Variants in CORIN observed in about 807,000 individuals in gnomAD.
The protein encoded by CORIN is atrial natriuretic peptide-converting enzyme.
In CORIN, 117 loss-of-function variants were observed where a neutral mutation model predicts 125.3. The ratio of observed to expected loss-of-function variants is 0.93; its 90% confidence interval spans 0.80 to 1.09. CORIN has a LOEUF of 1.09. CORIN is among the 50% of genes least tolerant of loss of function. The probability of loss-of-function intolerance (pLI) is 0.00; values close to 1 mark genes in which losing one functional copy is unlikely to be tolerated. For missense variants in CORIN, 1,253 were observed against 1,306.7 expected (o/e 0.96, Z 0.63); for synonymous variants, 450 against 466.4 (o/e 0.96, Z 0.45).
intron 19 of CORIN, among the ~76,000 whole-genome samples, chr4:47,608,641 G>A (rs767626458): frequency 2.6e-5 from 4 of 152,084 alleles, no homozygotes; most frequent in African/African-American, 7.2e-5. Context: ...TTTGCTTCAC[G>A]TTTACACTAT....
intron 5 of CORIN, among the ~76,000 whole-genome samples, chr4:47,697,337 A>C (rs1479624194): frequency 6.6e-6 from 1 of 152,168 alleles, no homozygotes; most frequent in Non-Finnish European, 1.5e-5. Context: ...GAGGTGAGTC[A>C]TATTAGATGG....
At chr4:47,750,403 A>G (rs535790102) in intron 4 of CORIN, among the ~76,000 whole-genome samples, 49 of 152,044 alleles carry the variant, frequency 3.2e-4, no homozygotes, top group Non-Finnish European at 6.9e-4. Context: ...CTTTTTCTTC[A>G]TTTGTAATAG....
intron 16 of CORIN, among the ~76,000 whole-genome samples, chr4:47,634,907 A>G (rs1338379737): frequency 7.2e-5 from 11 of 152,250 alleles, no homozygotes; most frequent in Non-Finnish European, 1.5e-4. Flanking sequence ...GGAGGAATGC[A>G]GAGAAGCAAC....
intron 5 of CORIN, among the ~76,000 whole-genome samples, chr4:47,712,554 A>AT (rs1726899233): frequency 1.3e-5 from 2 of 152,146 alleles, no homozygotes. Flanking sequence ...AAGTGCTATG[A>AT]TTTCAGGAGT....
At position 47,805,153 on chromosome 4, in the gene CORIN, ATAAT is replaced by A. The variant is rs1161700838; in HGVS notation, c.208+1746_208+1749del. ...TCCATCTCAAAAAAAAAAAAAAATAATAATAATAATAATAATAATAGAGTATAAT... is the reference window on the plus strand; with the variant it reads ...TCCATCTCAAAAAAAAAAAAAAATAAAATAATAATAATAATAGAGTATAAT... On this transcript the variant is annotated intron_variant, in intron 2 of 21. Coordinates refer to ENST00000273857, the MANE Select transcript of CORIN (RefSeq NM_006587.4). Among the ~76,000 whole-genome samples, 6 of 148,260 alleles carry A rather than the reference ATAAT, an allele frequency of 4.0e-5. No homozygotes were observed. In the East Asian group the frequency reaches 9.9e-4, roughly 24 times the overall value.
chr4:47,720,555 A>T (rs1727296420), intron 5 of CORIN, among the ~76,000 whole-genome samples: 1 of 152,232 alleles, frequency 6.6e-6, no homozygotes, highest in Non-Finnish European at 1.5e-5. Flanking sequence ...AAGGTTAGTG[A>T]ATAGTATTTG....
intron 5 of CORIN, among the ~76,000 whole-genome samples, chr4:47,718,386 C>G (rs1188795083): frequency 1.3e-5 from 2 of 152,202 alleles, no homozygotes; most frequent in East Asian, 3.9e-4. Flanking sequence ...ATGATGAGCC[C>G]TAGTTTCTTC....
chr4:47,669,644 C>T (rs1451629959), intron 10 of CORIN, among the ~76,000 whole-genome samples: 4 of 151,526 alleles, frequency 2.6e-5, no homozygotes, highest in Admixed American at 2.0e-4. Context: ...TCTGGGCTCA[C>T]TGCAAGCTCT....
chr4:47,774,031 C>T (rs1376146269), intron 3 of CORIN, among the ~76,000 whole-genome samples: 4 of 151,988 alleles, frequency 2.6e-5, no homozygotes, highest in African/African-American at 7.3e-5. Context: ...AACTACCTAT[C>T]GGCATTTTCT....
intron 10 of CORIN, 54 bp downstream of exon 10, chr4:47,674,339 A>G (rs938765725): frequency 3.3e-5 from 40 of 1,210,298 alleles, no homozygotes; most frequent in Non-Finnish European, 7.4e-6. Context: ...CAGAAGAAAA[A>G]TGCTGAATGC....
intron 1 of CORIN, among the ~76,000 whole-genome samples, chr4:47,835,266 T>C (rs1263828601): frequency 2.6e-5 from 4 of 152,166 alleles, no homozygotes; most frequent in African/African-American, 9.6e-5. Flanking sequence ...TCCAGCAAAA[T>C]GGAATGCCAA....
chr4:47,814,458 T>C (rs1732180368), intron 1 of CORIN, among the ~76,000 whole-genome samples: 1 of 152,160 alleles, frequency 6.6e-6, no homozygotes, highest in South Asian at 2.1e-4. Context: ...TACCCCCTCA[T>C]TTAAGATGAA....
At chr4:47,821,089 G>A (rs1208197735) in intron 1 of CORIN, among the ~76,000 whole-genome samples, 1 of 152,024 alleles carries the variant, frequency 6.6e-6, no homozygotes, top group African/African-American at 2.4e-5. Flanking sequence ...ACAAAAATTA[G>A]CCAGATGTGG....
In CORIN at chr4:47,758,877, G is replaced by C. The variant is rs369132435; in HGVS notation, c.617+4502C>G. On this transcript the variant is annotated intron_variant, in intron 4 of 21. Transcript: ENST00000273857. ...TTCCTGAGGTCTTCCCAGCCATGCA[G>C]AACTGTGAGTCAATTAAATCTCCTT... Among the ~76,000 whole-genome samples, 3 of 152,326 alleles carry C rather than the reference G, an allele frequency of 2.0e-5. No individual in the cohort carries two copies. In the East Asian group the frequency reaches 5.8e-4, roughly 29 times the overall value.
chr4:47,816,704 G>A (rs552391014), intron 1 of CORIN, among the ~76,000 whole-genome samples: 89 of 152,170 alleles, frequency 5.8e-4, no homozygotes, highest in African/African-American at 2.1e-3. Flanking sequence ...GAAGGAGGAG[G>A]GGGGCCAAAG....
intron 2 of CORIN, among the ~76,000 whole-genome samples, chr4:47,799,474 A>G (rs940603271): frequency 1.8e-4 from 27 of 152,000 alleles, no homozygotes; most frequent in African/African-American, 5.3e-4. Flanking sequence ...GTGAGATGGT[A>G]TCTCACTGTG....
chr4:47,814,429 G>A (rs775658020), intron 1 of CORIN, among the ~76,000 whole-genome samples: 25 of 152,120 alleles, frequency 1.6e-4, no homozygotes, highest in Non-Finnish European at 2.5e-4. Context: ...TGTCCGTAGA[G>A]CAAAAATTAG....
intron 1 of CORIN, among the ~76,000 whole-genome samples, chr4:47,836,338 T>C (rs1733409198): frequency 6.6e-6 from 1 of 152,180 alleles, no homozygotes; most frequent in Non-Finnish European, 1.5e-5. Flanking sequence ...TTAATAACTT[T>C]TTATAAATGC....
chr4:47,632,764 TAGAG>T (rs33922651), intron 16 of CORIN, among the ~76,000 whole-genome samples: 1 of 139,444 alleles, frequency 7.2e-6, no homozygotes, highest in Non-Finnish European at 1.5e-5. Context: ...GATAGATAGA[TAGAG>T]ATAGATAGTT....
Sources: allele counts gnomAD v4.1 joint callset (sites outside exome capture counted in the v4.1 genomes callset), GRCh38; gene constraint gnomAD v4.1.1; transcripts MANE v1.5; gene names NCBI Gene and HGNC (gene_info 2026-07-23, HGNC 2026-07-21).